The following SLC6A6 variants were observed in gnomAD, a reference collection of about 807,000 sequenced individuals.
The protein encoded by SLC6A6 is solute carrier family 6 member 6.
In SLC6A6, 16 loss-of-function variants were observed where a neutral mutation model predicts 68.8. That is an observed-to-expected ratio of 0.23 (90% CI 0.16 to 0.35). The LOEUF (loss-of-function observed/expected upper bound fraction) is 0.35, where lower values mean the gene tolerates loss of function less well. SLC6A6 is among the 10% of genes least tolerant of loss of function. The pLI is 1.00. For missense variants in SLC6A6, 474 were observed against 802.8 expected, an observed-to-expected ratio of 0.59 and a Z score of 4.95; for synonymous variants, 312 against 315.4, an observed-to-expected ratio of 0.99 and a Z score of 0.12.
chr3:14,482,438 C>T (rs1012322911), intron 14 of SLC6A6, among the ~76,000 whole-genome samples: 4 of 152,270 alleles, frequency 2.6e-5, no homozygotes, highest in African/African-American at 7.2e-5. Context: ...ATTCCTCCAA[C>T]AGCCCTGGAG....
chr3:14,487,454 TC>T lies in SLC6A6; in HGVS notation c.*2449del, dbSNP rs1402897162. ...TCATGTCTCCGTATAAACGAAACTT[TC>T]CATGAGAGCTCATGACTCTGGTCCA... On this transcript the variant is annotated 3_prime_UTR_variant, in exon 15 of 15. Transcript: ENST00000622186. 1 of 152,270 alleles carries T rather than the reference TC, an allele frequency of 6.6e-6. No individual in the cohort carries two copies. The highest frequency in any genetic ancestry group is 1.9e-4 in the East Asian group (1 of 5,186). The allele number at this position is 152,270 out of a possible 1,614,324, so 9.4% of individuals were successfully genotyped here.
At chr3:14,410,074 T>C (rs534651747) in intron 1 of SLC6A6, among the ~76,000 whole-genome samples, 1 of 150,570 alleles carries the variant, frequency 6.6e-6, no homozygotes, top group African/African-American at 2.4e-5. Flanking sequence ...TAATCCCAGC[T>C]GCTTGGGAGG....
rs1574969688 is a variant in SLC6A6 at position 14,481,599 on chromosome 3, G to A, written c.1552-72G>A. 1 of 1,061,674 alleles carries A rather than the reference G, an allele frequency of 9.4e-7. No homozygotes were observed. The highest frequency in any genetic ancestry group is 2.4e-5 in the East Asian group (1 of 41,944). 65.8% of individuals were successfully genotyped at this position (1,061,674 alleles called of 1,614,324 possible). Reference sequence around the variant, plus strand: ...AGACCCTTCCCTCAGGTTGAGGCCAGTCCTAGTCCCAGAAGCCCCCCACCC... The same window carrying A: ...AGACCCTTCCCTCAGGTTGAGGCCAATCCTAGTCCCAGAAGCCCCCCACCC... On this transcript the variant is annotated intron_variant, in intron 13 of 14. Transcript: ENST00000622186. This position sits in a 1 kb window ranked among gnomAD's most constrained non-coding sequence, Gnocchi z 4.7.
At position 14,488,862 on chromosome 3, in the gene SLC6A6, G is replaced by A. The variant is rs923813620; in HGVS notation, c.*3855G>A. ...ACATGTTCTGGCGTGTTCTCCGAGG[G>A]ATGGAGCATCCTGTTATATATTTGA... is the stretch of plus-strand genomic sequence containing the variant. On this transcript the variant is annotated 3_prime_UTR_variant, in exon 15 of 15. Coordinates refer to ENST00000622186, the MANE Select transcript of SLC6A6 (RefSeq NM_003043.6). The A allele has an allele frequency of 2.0e-5, 3 of 152,520 alleles. No homozygotes were observed. Among genetic ancestry groups the A allele is most frequent in the African/African-American group, 7.2e-5 (3 of 41,398 alleles). The allele number at this position is 152,520 out of a possible 1,614,324, so 9.4% of individuals were successfully genotyped here.
chr3:14,471,704 G>A (rs1277848216), intron 9 of SLC6A6, among the ~76,000 whole-genome samples: 1 of 152,168 alleles, frequency 6.6e-6, no homozygotes, highest in Non-Finnish European at 1.5e-5. Flanking sequence ...CAGGCCTCCT[G>A]TTGGGCGTGG....
intron 1 of SLC6A6, among the ~76,000 whole-genome samples, chr3:14,409,665 CAGG>C (rs1574904554): frequency 6.6e-6 from 1 of 152,188 alleles, no homozygotes; most frequent in Non-Finnish European, 1.5e-5. Context: ...AGATCCCTAT[CAGG>C]AGGAGGTTAG....
intron 2 of SLC6A6, among the ~76,000 whole-genome samples, chr3:14,441,797 G>T (rs1699995278): frequency 6.6e-6 from 1 of 152,252 alleles, no homozygotes; most frequent in Admixed American, 6.5e-5. Context: ...GCCAGGGTTT[G>T]CAGTTGTCAC....
chr3:14,416,496 G>A (rs1574910831), intron 2 of SLC6A6, 43 bp downstream of exon 2: 6 of 398,706 alleles, frequency 1.5e-5, no homozygotes, highest in Non-Finnish European at 2.2e-5. Flanking sequence ...TGTCTCACAC[G>A]TTGTGCAGTG....
intron 4 of SLC6A6, among the ~76,000 whole-genome samples, chr3:14,446,965 A>T (rs1479432410): frequency 1.3e-5 from 2 of 152,094 alleles, no homozygotes; most frequent in East Asian, 3.9e-4. Flanking sequence ...CCATTAAACC[A>T]CTCAGTAATT....
intron 2 of SLC6A6, among the ~76,000 whole-genome samples, chr3:14,429,965 G>A (rs1223145893): frequency 6.6e-6 from 1 of 152,168 alleles, no homozygotes; most frequent in South Asian, 2.1e-4. Flanking sequence ...TTGAGCTGGA[G>A]GATGCTAAAC....
chr3:14,429,140 C>T (rs1056271962), intron 2 of SLC6A6, among the ~76,000 whole-genome samples: 5 of 152,216 alleles, frequency 3.3e-5, no homozygotes, highest in African/African-American at 4.8e-5. Flanking sequence ...CCTAGGTCAC[C>T]CCTGCCAGCC....
intron 13 of SLC6A6, 39 bp downstream of exon 13, chr3:14,479,224 C>A: frequency 8.2e-7 from 1 of 1,218,934 alleles, no homozygotes; most frequent in Non-Finnish European, 1.2e-6. Flanking sequence ...GTGGCCTCTT[C>A]TCCCTGGGGC....
chr3:14,407,057 T>G (rs1246917673), intron 1 of SLC6A6, among the ~76,000 whole-genome samples: 2 of 26,320 alleles, frequency 7.6e-5, no homozygotes, highest in Non-Finnish European at 2.5e-4. Context: ...TTTCTTGTGG[T>G]TTTTTTTTTT....
At chr3:14,439,602 G>A (rs1464323660) in intron 2 of SLC6A6, among the ~76,000 whole-genome samples, 2 of 152,194 alleles carry the variant, frequency 1.3e-5, no homozygotes, top group Admixed American at 1.3e-4. Flanking sequence ...TAACCAAAGA[G>A]GAAGCTCTTA....
In SLC6A6 at chr3:14,468,800, C is replaced by A. The variant is rs1559310472; in HGVS notation, c.1096+588C>A. Reference sequence around the variant, plus strand: ...GATCCAACTGGGGGTGGGTTGTAAGCACAGTGTCGCCCCTCGGGGTGTGGG... The same window carrying A: ...GATCCAACTGGGGGTGGGTTGTAAGAACAGTGTCGCCCCTCGGGGTGTGGG... On this transcript the variant is annotated intron_variant, in intron 9 of 14. Coordinates refer to ENST00000622186, the MANE Select transcript of SLC6A6 (RefSeq NM_003043.6). The surrounding 1 kb of genome is among the most constrained non-coding windows in gnomAD (Gnocchi z 4.5). Among the ~76,000 whole-genome samples, 4 of 152,138 alleles carry A rather than the reference C, an allele frequency of 2.6e-5. No homozygotes were observed. Among genetic ancestry groups the A allele is most frequent in the African/African-American group, 7.2e-5 (3 of 41,416 alleles).
Position 14,472,159 on chromosome 3 carries a change from T to C in SLC6A6, c.1097-46T>C. 8.4e-7 allele frequency: 1 copy of C among 1,190,986 alleles called. No homozygotes were observed. The highest frequency in any genetic ancestry group is 1.3e-6 in the Non-Finnish European group (1 of 797,856). The allele number at this position is 1,190,986 out of a possible 1,614,324, so 73.8% of individuals were successfully genotyped here. On this transcript the variant is annotated intron_variant, in intron 9 of 14. Coordinates refer to ENST00000622186, the MANE Select transcript of SLC6A6 (RefSeq NM_003043.6). The surrounding 1 kb of genome is among the most constrained non-coding windows in gnomAD (Gnocchi z 4.5). ...CCAGGGTTCCCAGTGGCTTGGTGGCTGATGTCTCCTCCCCTGTGCCCCTCC... is the reference window on the plus strand; with the variant it reads ...CCAGGGTTCCCAGTGGCTTGGTGGCCGATGTCTCCTCCCCTGTGCCCCTCC...
At chr3:14,451,219 G>A (rs1700244672) in intron 5 of SLC6A6, among the ~76,000 whole-genome samples, 1 of 152,232 alleles carries the variant, frequency 6.6e-6, no homozygotes, top group Non-Finnish European at 1.5e-5. Context: ...TTTCAACACA[G>A]CAAGTGCTCA....
chr3:14,468,295 A>AG lies in SLC6A6; in HGVS notation c.1096+88dup. On this transcript the variant is annotated intron_variant, in intron 9 of 14. Transcript: ENST00000622186. The surrounding 1 kb of genome is among the most constrained non-coding windows in gnomAD (Gnocchi z 4.5). ...TACTGCAGGCATGAAGCCAGACCCC[A>AG]GGGGGCTTTGAGGGGGGACGAGCCT... 3 of 1,268,782 alleles carry AG rather than the reference A, an allele frequency of 2.4e-6. No homozygotes were observed. The highest frequency in any genetic ancestry group is 5.3e-5 in the East Asian group (2 of 37,974). The allele number at this position is 1,268,782 out of a possible 1,614,324, so 78.6% of individuals were successfully genotyped here.
At chr3:14,465,875 G>T (rs1411519730) in intron 6 of SLC6A6, among the ~76,000 whole-genome samples, 1 of 152,224 alleles carries the variant, frequency 6.6e-6, no homozygotes, top group Non-Finnish European at 1.5e-5. Context: ...CGAAGGCAGG[G>T]ATTTGTTTTC....
Sources: gnomAD v4.1 joint callset for allele counts (sites outside exome capture counted in the v4.1 genomes callset) on GRCh38, gnomAD v4.1.1 for gene constraint, Gnocchi (gnomAD v3.1) non-coding constraint, MANE v1.5 for transcripts, NCBI Gene and HGNC (gene_info 2026-07-23, HGNC 2026-07-21) for gene names.